The following GAB4 variants were observed in gnomAD, a reference collection of about 807,000 sequenced individuals.
GAB4 encodes the protein GRB2-associated-binding protein 4.
Under a neutral mutation model 51.3 loss-of-function variants are expected in GAB4, and 26 were observed. That is an observed-to-expected ratio of 0.51 (90% CI 0.37 to 0.70). The LOEUF is 0.70. Ranked by LOEUF, GAB4 falls within the 30% of genes least tolerant of loss-of-function variation. The pLI, the probability that GAB4 is intolerant of heterozygous loss-of-function variation, is 0.00. For synonymous variants in GAB4, 329 were observed against 291.2 expected, an observed-to-expected ratio of 1.13 and a Z score of -1.32; for missense variants, 759 against 734.6, an observed-to-expected ratio of 1.03 and a Z score of -0.38.
chr22:16,993,414 C>T (rs1195642696), intron 1 of GAB4, among the ~76,000 whole-genome samples: 1 of 152,184 alleles, frequency 6.6e-6, no homozygotes, highest in African/African-American at 2.4e-5. Context: ...GGGTTATTAT[C>T]ACAACTCTTT....
chr22:16,975,659 G>T (rs1386143640), intron 3 of GAB4, among the ~76,000 whole-genome samples: 1 of 152,222 alleles, frequency 6.6e-6, no homozygotes, highest in Non-Finnish European at 1.5e-5. Context: ...CCCGAGCCCT[G>T]CTAAGGGACA....
chr22:16,996,513 G>T (rs1177516788), intron 1 of GAB4, among the ~76,000 whole-genome samples: 1 of 152,032 alleles, frequency 6.6e-6, no homozygotes, highest in African/African-American at 2.4e-5. Context: ...TTGTCAGATT[G>T]ACAAAGGTTG....
At chr22:16,990,468 T>C (rs533157099) in intron 2 of GAB4, among the ~76,000 whole-genome samples, 2 of 152,290 alleles carry the variant, frequency 1.3e-5, no homozygotes, top group South Asian at 2.1e-4. Flanking sequence ...CTGCTCCTCA[T>C]TGCCCTCCCA....
intron 5 of GAB4, 176 bp from the exon 6 acceptor site, chr22:16,966,540 C>T (rs1170512208): frequency 4.5e-6 from 3 of 671,314 alleles, no homozygotes; most frequent in Non-Finnish European, 7.4e-6. Flanking sequence ...TAGAAGTGCC[C>T]CAGCCAGGAA....
intron 1 of GAB4, among the ~76,000 whole-genome samples, chr22:16,996,449 T>C (rs1373282728): frequency 3.3e-5 from 5 of 151,704 alleles, no homozygotes; most frequent in Non-Finnish European, 7.4e-5. Context: ...ATTCAAGAAA[T>C]ACAAAGACCA....
In GAB4 at chr22:16,966,294, C is replaced by G. The variant is rs200930866; in HGVS notation, c.1094G>C (p.Gly365Ala). The part of the protein sequence containing the change: ...SEGSCVPMNP[G>A]SPTLPAVKQA... The stretch of plus-strand genomic sequence containing the variant: ...CTTCACAGCCGGCAGGGTAGGGGAG[C>G]CTGGGTTCATGGGCACACAGCTGCC... Residue 365 changes from glycine to alanine, a missense_variant, in exon 6 of 10, where the codon GGC becomes GCC. Physicochemically the swap from Gly to Ala is moderately conservative, Grantham distance 60 (BLOSUM62 0). Transcript: ENST00000400588. 3.9e-5 allele frequency: 63 copies of G among 1,613,832 alleles called. No homozygotes were observed. The African/African-American group carries it at 7.9e-4, about 20-fold the overall frequency.
Position 16,988,078 on chromosome 22 carries a change from G to T in GAB4, c.568C>A (p.Gln190Lys). ...SCSHQHLPQE[Q>K]EPTSEPPVSH... ...ACCGGGGGCTCAGATGTGGGTTCTT[G>T]TTCTTGGGGGAGGTGCTGATGGGAG... The change falls in exon 3 of 10, where the codon CAA becomes AAA. Residue 190 changes from glutamine (Q) to lysine (K), a missense_variant. Around this residue, in one of 3 missense-constraint regions of GAB4, gnomAD observed 588 missense variants for 510.2 expected, o/e 1.15. Transcript: ENST00000400588. The T allele has an allele frequency of 3.7e-6, 6 of 1,608,960 alleles. No individual in the cohort carries two copies. Among genetic ancestry groups the T allele is most frequent in the Non-Finnish European group, 5.1e-6 (6 of 1,177,724 alleles).
intron 3 of GAB4, among the ~76,000 whole-genome samples, chr22:16,974,665 G>A (rs1012940675): frequency 2.5e-4 from 38 of 152,166 alleles, no homozygotes; most frequent in African/African-American, 8.9e-4. Context: ...TTTTGCACTT[G>A]GTCACTGCAT....
chr22:16,989,420 CCT>C (rs2060895467), intron 2 of GAB4, among the ~76,000 whole-genome samples: 1 of 152,194 alleles, frequency 6.6e-6, no homozygotes, highest in African/African-American at 2.4e-5. Context: ...GGCTAATGCC[CCT>C]GAGTGTCTGC....
chr22:16,968,369 A>T lies in GAB4; in HGVS notation c.952T>A (p.Tyr318Asn), dbSNP rs759191729. The T allele has an allele frequency of 1.2e-6, 2 of 1,613,920 alleles. No homozygotes were observed. Among genetic ancestry groups the T allele is most frequent in the South Asian group, 2.2e-5 (2 of 91,078 alleles). Residue 318 changes from tyrosine to asparagine, a missense_variant, in exon 5 of 10, where the codon TAC becomes AAC. Physicochemically the swap from Tyr to Asn is moderately radical, Grantham distance 143. Around this residue, in one of 3 missense-constraint regions of GAB4, gnomAD observed 588 missense variants for 510.2 expected, o/e 1.15. Transcript: ENST00000400588. ...EADNEASSGK[Y>N]TQHGGGNASR... ...GCATTCCCTCCACCATGCTGGGTGT[A>T]CTTGCCGGAGGAAGCTACGACAGAG...
At position 16,962,728 on chromosome 22, in the gene GAB4, C is replaced by T. The variant is rs1164708236; in HGVS notation, c.*5G>A. On this transcript the variant is annotated 3_prime_UTR_variant, in exon 10 of 10. Transcript: ENST00000400588. The stretch of plus-strand genomic sequence containing the variant: ...CTGGCCCCACTCTGGTTTTGGTGGC[C>T]CGAGTCACAGCTTGGCGCCCCTGGG... The T allele has an allele frequency of 1.9e-6, 3 of 1,608,240 alleles. No individual in the cohort carries two copies. The highest frequency in any genetic ancestry group is 1.3e-5 in the African/African-American group (1 of 74,998).
intron 1 of GAB4, among the ~76,000 whole-genome samples, chr22:17,002,013 A>C (rs2123725444): frequency 6.6e-6 from 1 of 152,248 alleles, no homozygotes; most frequent in South Asian, 2.1e-4. Flanking sequence ...CCATTGGAAA[A>C]GTGCAGTATT....
intron 3 of GAB4, among the ~76,000 whole-genome samples, chr22:16,970,874 T>A (rs1471256511): frequency 6.6e-6 from 1 of 152,150 alleles, no homozygotes; most frequent in African/African-American, 2.4e-5. Flanking sequence ...AAAAAATGGT[T>A]TCCTGTTTGG....
chr22:16,986,325 G>A (rs1289322060), intron 3 of GAB4, among the ~76,000 whole-genome samples: 10 of 152,188 alleles, frequency 6.6e-5, no homozygotes, highest in Non-Finnish European at 1.5e-4. Flanking sequence ...AAAGTATGAA[G>A]GGCACCAACA....
At position 16,985,642 on chromosome 22, in the gene GAB4, T is replaced by C. The variant is rs561247684; in HGVS notation, c.686+2318A>G. Among the ~76,000 whole-genome samples, 3 of 152,372 alleles carry C rather than the reference T, an allele frequency of 2.0e-5. No homozygotes were observed. In the East Asian group the frequency reaches 5.8e-4, roughly 29 times the overall value. ...GGAATTTGGCAAACAGTGTCTAACT[T>C]TTCTGTAGAAACTACACTGAGATAT... On this transcript the variant is annotated intron_variant, in intron 3 of 9. Transcript: ENST00000400588.
intron 3 of GAB4, among the ~76,000 whole-genome samples, chr22:16,975,874 GC>G: frequency 6.6e-6 from 1 of 152,170 alleles, no homozygotes; most frequent in East Asian, 1.9e-4. Context: ...GGTGATATCT[GC>G]CGGTGATACA....
At position 16,962,872 on chromosome 22, in the gene GAB4, G is replaced by A. The variant is rs761883071; in HGVS notation, c.1586C>T (p.Ser529Phe). 1 of 1,612,592 alleles carries A rather than the reference G, an allele frequency of 6.2e-7. No homozygotes were observed. The change falls in exon 10 of 10, where the codon TCC becomes TTC. Residue 529 changes from serine (S) to phenylalanine (F), a missense_variant. Ser to Phe is a radical substitution (Grantham distance 155). Coordinates refer to ENST00000400588, the MANE Select transcript of GAB4 (RefSeq NM_001037814.1). Reference sequence around the variant, plus strand: ...CTTGCCGGACGTGACAGAGCCTATGGATGGCTGAGGGACAGAGGGTGGAAG... The same window carrying A: ...CTTGCCGGACGTGACAGAGCCTATGAATGGCTGAGGGACAGAGGGTGGAAG... ...AALDFQPSKP[S>F]IGSVTSGKKV...
intron 1 of GAB4, among the ~76,000 whole-genome samples, chr22:16,994,366 C>A (rs1398795208): frequency 1.3e-5 from 2 of 152,188 alleles, no homozygotes; most frequent in South Asian, 2.1e-4. Context: ...CATAGCCAGA[C>A]AGGATAGAGC....
At position 17,008,105 on chromosome 22, in the gene GAB4, G is replaced by A. The variant is rs144187468; in HGVS notation, c.10C>T (p.Pro4Ser). 703 of 1,603,622 alleles carry A rather than the reference G, an allele frequency of 4.4e-4. 3 individuals carry two copies. The African/African-American group carries it at 8.1e-3, about 19-fold the overall frequency. The change falls in exon 1 of 10, where the codon CCG becomes TCG. Residue 4 changes from proline (P) to serine (S), a missense_variant. Coordinates refer to ENST00000400588, the MANE Select transcript of GAB4 (RefSeq NM_001037814.1). ...AGCTCCCGGGAGGGTGAGGGGGACG[G>A]CAGGGACATGGGGGCTGCAGCTCAC... MSLPSPSPSRELCP... is the reference protein window; with the variant it reads MSLSSPSPSRELCP...
Sources: gnomAD v4.1 joint callset for allele counts (sites outside exome capture counted in the v4.1 genomes callset) on GRCh38, gnomAD v4.1.1 for gene constraint, gnomAD v4.1.1 regional missense constraint, MANE v1.5 for transcripts, NCBI Gene and HGNC (gene_info 2026-07-23, HGNC 2026-07-21) for gene names.